The following USH2A variants were observed in gnomAD, a reference collection of about 807,000 sequenced individuals.
USH2A encodes Usher syndrome 2A (autosomal recessive, mild).
Under a neutral mutation model 538.9 loss-of-function variants are expected in USH2A, and 443 were observed. The ratio of observed to expected loss-of-function variants is 0.82; its 90% confidence interval spans 0.76 to 0.89. The LOEUF is 0.89. USH2A is among the 40% of genes least tolerant of loss of function. The probability of loss-of-function intolerance (pLI) is 0.00; values close to 1 mark genes in which losing one functional copy is unlikely to be tolerated. For synonymous variants in USH2A, 2,413 were observed against 2,273.5 expected (o/e 1.06, Z -1.75); for missense variants, 6,633 against 6,324.8 (o/e 1.05, Z -1.65).
intron 55 of USH2A, among the ~76,000 whole-genome samples, chr1:215,770,838 C>T (rs1661256509): frequency 6.7e-6 from 1 of 150,276 alleles, no homozygotes; most frequent in Non-Finnish European, 1.5e-5. Context: ...GGTACGGTGG[C>T]TCATGCCTCT....
At chr1:216,170,087 A>G (rs1472215464) in intron 21 of USH2A, among the ~76,000 whole-genome samples, 4 of 152,120 alleles carry the variant, frequency 2.6e-5, no homozygotes, top group African/African-American at 9.7e-5. Context: ...AGTTTGCCCT[A>G]CTTGCACCTT....
chr1:215,992,279 C>T (rs531224486), intron 35 of USH2A, among the ~76,000 whole-genome samples: 4 of 152,132 alleles, frequency 2.6e-5, no homozygotes, highest in Non-Finnish European at 5.9e-5. Context: ...GTCAAGTAAG[C>T]TTCCATCAGT....
intron 11 of USH2A, among the ~76,000 whole-genome samples, chr1:216,284,764 TG>T (rs2102599927): frequency 6.6e-6 from 1 of 152,298 alleles, no homozygotes; most frequent in East Asian, 1.9e-4. Flanking sequence ...TGGAACTTCC[TG>T]GAGACTTGTT....
intron 21 of USH2A, among the ~76,000 whole-genome samples, chr1:216,154,801 A>T (rs936216989): frequency 6.6e-6 from 1 of 152,188 alleles, no homozygotes; most frequent in African/African-American, 2.4e-5. Flanking sequence ...ACATACATAT[A>T]CCACATTTTA....
chr1:215,841,569 T>C (rs770199108), intron 46 of USH2A, among the ~76,000 whole-genome samples: 2 of 152,146 alleles, frequency 1.3e-5, no homozygotes, highest in Non-Finnish European at 2.9e-5. Context: ...GACTTAAATG[T>C]AAAACCCAAA....
chr1:215,989,065 T>C (rs6684641), intron 35 of USH2A, among the ~76,000 whole-genome samples: 1,651 of 152,328 alleles, frequency 0.011, 27 homozygotes, highest in African/African-American at 0.038. Flanking sequence ...GGACTGGACA[T>C]TTATATTAGA....
At chr1:216,411,145 C>G (rs147035218) in intron 3 of USH2A, among the ~76,000 whole-genome samples, 95 of 152,168 alleles carry the variant, frequency 6.2e-4, no homozygotes, top group Non-Finnish European at 1.2e-3. Context: ...TCCTACTGTT[C>G]TGTCCTCATT....
At chr1:216,296,400 C>T (rs12062534) in intron 9 of USH2A, among the ~76,000 whole-genome samples, 100,343 of 151,776 alleles carry the variant, frequency 0.66, 35,205 homozygotes, top group East Asian at 0.77. Flanking sequence ...TCTATTAATA[C>T]CTCAATCTTG....
chr1:215,927,388 G>A (rs1666262146), intron 38 of USH2A, among the ~76,000 whole-genome samples: 1 of 151,950 alleles, frequency 6.6e-6, no homozygotes, highest in African/African-American at 2.4e-5. Context: ...CAAATATGCT[G>A]GACTTATAAA....
At chr1:216,090,610 C>T (rs767927158) in intron 22 of USH2A, among the ~76,000 whole-genome samples, 1 of 151,986 alleles carries the variant, frequency 6.6e-6, no homozygotes, top group Non-Finnish European at 1.5e-5. Context: ...GTCTACACAC[C>T]CTTTTATTTT....
At chr1:216,032,287 TG>T (rs1156656390) in intron 32 of USH2A, among the ~76,000 whole-genome samples, 1 of 152,186 alleles carries the variant, frequency 6.6e-6, no homozygotes, top group Non-Finnish European at 1.5e-5. Context: ...CATGGGTTGT[TG>T]ATTATTTACC....
At chr1:216,242,016 G>A (rs2035947854) in intron 13 of USH2A, among the ~76,000 whole-genome samples, 1 of 152,052 alleles carries the variant, frequency 6.6e-6, no homozygotes, top group African/African-American at 2.4e-5. Context: ...TTGTGCAAAT[G>A]TCTTATTTCC....
intron 21 of USH2A, among the ~76,000 whole-genome samples, chr1:216,173,106 A>G (rs2034303192): frequency 6.6e-6 from 1 of 152,166 alleles, no homozygotes; most frequent in Admixed American, 6.6e-5. Context: ...CAGTAAGAAT[A>G]ATGTAAGATG....
At chr1:216,181,804 A>G (rs2034499116) in intron 20 of USH2A, among the ~76,000 whole-genome samples, 1 of 152,142 alleles carries the variant, frequency 6.6e-6, no homozygotes, top group Non-Finnish European at 1.5e-5. Context: ...CTCTGACAGC[A>G]AAGTATCGAT....
rs751298873 is a variant in USH2A, at chr1:216,089,132, G to A, written c.4766C>T (p.Pro1589Leu). ...ATCATTAGTTGTAGTTACTTCCACTGGTGACCCCTTAAGGGAATGAATGAA... is the reference window on the plus strand; with the variant it reads ...ATCATTAGTTGTAGTTACTTCCACTAGTGACCCCTTAAGGGAATGAATGAA... Reference protein sequence around the residue: ...LYFLFDPQGSPVEVTTTNDHG... With the variant: ...LYFLFDPQGSLVEVTTTNDHG... The change falls in exon 23 of 72, where the codon CCA (proline) becomes CTA (leucine). Residue 1589 changes from proline to leucine, a missense_variant. Transcript: ENST00000307340. 1 of 1,612,498 alleles carries A rather than the reference G, an allele frequency of 6.2e-7. No homozygotes were observed. Among genetic ancestry groups the A allele is most frequent in the Non-Finnish European group, 8.5e-7 (1 of 1,178,908 alleles).
At chr1:216,074,794 C>A (rs1269901394) in intron 27 of USH2A, among the ~76,000 whole-genome samples, 1 of 152,144 alleles carries the variant, frequency 6.6e-6, no homozygotes, top group Non-Finnish European at 1.5e-5. Flanking sequence ...TGTACCCTAA[C>A]TTCCCTACCA....
intron 21 of USH2A, among the ~76,000 whole-genome samples, chr1:216,098,132 C>T (rs2032490320): frequency 6.6e-6 from 1 of 151,794 alleles, no homozygotes; most frequent in Non-Finnish European, 1.5e-5. Context: ...GCCCCATCTC[C>T]AGTCCTACCA....
chr1:216,259,197 T>G (rs2036317756), intron 11 of USH2A, among the ~76,000 whole-genome samples: 1 of 152,030 alleles, frequency 6.6e-6, no homozygotes, highest in African/African-American at 2.4e-5. Context: ...TTAGCAGAGG[T>G]GAAATGCACA....
At chr1:216,331,369 C>T (rs1393437468) in intron 4 of USH2A, among the ~76,000 whole-genome samples, 1 of 152,022 alleles carries the variant, frequency 6.6e-6, no homozygotes, top group Non-Finnish European at 1.5e-5. Flanking sequence ...ATGACTCATA[C>T]AAGAAAGACC....
Sources: gnomAD v4.1 joint callset for allele counts (sites outside exome capture counted in the v4.1 genomes callset) on GRCh38, gnomAD v4.1.1 for gene constraint, MANE v1.5 for transcripts, NCBI Gene and HGNC (gene_info 2026-07-23, HGNC 2026-07-21) for gene names.